Variants in KLHL29 observed in about 807,000 individuals in gnomAD.
KLHL29 encodes kelch-like protein 29.
A neutral mutation model predicts 80.4 loss-of-function variants in KLHL29; 21 were observed. The ratio of observed to expected loss-of-function variants is 0.26; its 90% CI spans 0.19 to 0.38. The LOEUF (loss-of-function observed/expected upper bound fraction) is 0.38, where lower values mean the gene tolerates loss of function less well. Ranked by LOEUF, KLHL29 falls within the 10% of genes least tolerant of loss-of-function variation. KLHL29 has a pLI of 1.00. For missense variants in KLHL29, 867 were observed against 1,223.9 expected (o/e 0.71, Z 4.35); for synonymous variants, 511 against 526.8 (o/e 0.97, Z 0.41).
chr2:23,606,590 C>G (rs1388915965), intron 3 of KLHL29, among the ~76,000 whole-genome samples: 1 of 152,228 alleles, frequency 6.6e-6, no homozygotes, highest in African/African-American at 2.4e-5. Flanking sequence ...ACGCAATTAG[C>G]AGTTTTAATC....
At chr2:23,425,599 G>C (rs894943395) in intron 1 of KLHL29, among the ~76,000 whole-genome samples, 1 of 152,184 alleles carries the variant, frequency 6.6e-6, no homozygotes, top group Non-Finnish European at 1.5e-5. Flanking sequence ...TGTGGGGATA[G>C]GGAGTGAGCT....
At chr2:23,541,112 C>G (rs1365187614) in intron 2 of KLHL29, among the ~76,000 whole-genome samples, 2 of 152,222 alleles carry the variant, frequency 1.3e-5, no homozygotes, top group Non-Finnish European at 2.9e-5. Context: ...AGACAAAATG[C>G]AGATTTCACA....
intron 1 of KLHL29, among the ~76,000 whole-genome samples, chr2:23,395,801 G>C (rs966384879): frequency 1.3e-5 from 2 of 151,932 alleles, no homozygotes; most frequent in Admixed American, 6.6e-5. Flanking sequence ...CACTGCCTTG[G>C]CAGCATGATC....
At chr2:23,508,033 C>A (rs1019103969) in intron 2 of KLHL29, among the ~76,000 whole-genome samples, 4 of 152,212 alleles carry the variant, frequency 2.6e-5, no homozygotes, top group African/African-American at 9.7e-5. Context: ...CTGGTTCACG[C>A]ATGCTCCTCA....
chr2:23,611,115 G>A (rs1257449807), intron 3 of KLHL29, among the ~76,000 whole-genome samples: 1 of 152,150 alleles, frequency 6.6e-6, no homozygotes, highest in Non-Finnish European at 1.5e-5. Context: ...AAGATAGTTA[G>A]AAAAGCAGGT....
intron 2 of KLHL29, among the ~76,000 whole-genome samples, chr2:23,500,952 C>A (rs948090297): frequency 6.6e-6 from 1 of 152,176 alleles, no homozygotes; most frequent in African/African-American, 2.4e-5. Flanking sequence ...AAGTGGAAAT[C>A]GCATCTGTTT....
intron 2 of KLHL29, among the ~76,000 whole-genome samples, chr2:23,490,954 T>G (rs72848060): frequency 6.6e-6 from 1 of 151,872 alleles, no homozygotes; most frequent in African/African-American, 2.4e-5. Context: ...TTACCTAATA[T>G]GATTTTTTTT....
chr2:23,542,311 A>G (rs1108529), intron 2 of KLHL29, among the ~76,000 whole-genome samples: 3 of 152,090 alleles, frequency 2.0e-5, no homozygotes, highest in Non-Finnish European at 2.9e-5. Flanking sequence ...CAGTAGACCC[A>G]CCTGCCTGGA....
intron 3 of KLHL29, among the ~76,000 whole-genome samples, chr2:23,609,333 C>T (rs974225207): frequency 6.6e-6 from 1 of 152,018 alleles, no homozygotes; most frequent in Non-Finnish European, 1.5e-5. Context: ...GAGAGAATTC[C>T]CTGGAGACGC....
At chr2:23,386,995 G>T (rs886727585) in intron 1 of KLHL29, among the ~76,000 whole-genome samples, 1 of 152,128 alleles carries the variant, frequency 6.6e-6, no homozygotes, top group Non-Finnish European at 1.5e-5. Flanking sequence ...GTCCGTTGGC[G>T]GGCCCTCGCG....
At chr2:23,502,502 G>A (rs1368640335) in intron 2 of KLHL29, among the ~76,000 whole-genome samples, 2 of 152,226 alleles carry the variant, frequency 1.3e-5, no homozygotes, top group African/African-American at 4.8e-5. Context: ...TAAGGGGGAG[G>A]ACACTTGCAC....
intron 3 of KLHL29, among the ~76,000 whole-genome samples, chr2:23,573,457 C>T (rs923498542): frequency 6.6e-6 from 1 of 152,180 alleles, no homozygotes; most frequent in African/African-American, 2.4e-5. Context: ...GAGTGGGATT[C>T]ATCACCTAGA....
At chr2:23,413,047 C>CA (rs909535686) in intron 1 of KLHL29, among the ~76,000 whole-genome samples, 9 of 152,046 alleles carry the variant, frequency 5.9e-5, no homozygotes, top group Admixed American at 2.0e-4. Context: ...CGTTTGCCTT[C>CA]AAAAAAATGC....
In KLHL29 at chr2:23,521,000, C is replaced by CCA. The variant is rs1553334473; in HGVS notation, c.-45-41151_-45-41150insAC. On this transcript the variant is annotated intron_variant, in intron 2 of 13. Coordinates refer to ENST00000486442, the MANE Select transcript of KLHL29 (RefSeq NM_052920.2). ...TTCATTTTACAAAGACCACCCCCCC[C>CCA]CCCGCTCCCCCTCAGGGGTGTTTCC... 3.3e-5 allele frequency among the ~76,000 whole-genome samples: 5 copies of CCA among 151,708 alleles called. No homozygotes were observed. In the South Asian group the frequency reaches 6.2e-4, roughly 19 times the overall value.
intron 3 of KLHL29, among the ~76,000 whole-genome samples, chr2:23,629,722 G>A (rs1044902222): frequency 3.3e-5 from 5 of 152,202 alleles, no homozygotes; most frequent in Admixed American, 6.5e-5. Context: ...AGACTTTGAT[G>A]TTGGAAAAGG....
chr2:23,463,685 T>A (rs1189936692), intron 1 of KLHL29, among the ~76,000 whole-genome samples: 2 of 152,168 alleles, frequency 1.3e-5, no homozygotes, highest in African/African-American at 2.4e-5. Context: ...TTCACCACTT[T>A]CCAAACACAA....
intron 3 of KLHL29, among the ~76,000 whole-genome samples, chr2:23,616,267 G>T (rs1020850908): frequency 1.3e-5 from 2 of 152,190 alleles, no homozygotes; most frequent in Non-Finnish European, 2.9e-5. Context: ...TCAGCCTGGG[G>T]TTCATTCTTC....
chr2:23,487,202 C>G (rs1160959974), intron 2 of KLHL29, among the ~76,000 whole-genome samples: 2 of 152,152 alleles, frequency 1.3e-5, no homozygotes, highest in Admixed American at 1.3e-4. Flanking sequence ...TCCAGCAAGA[C>G]TATGAGCCCT....
At chr2:23,693,209 G>A in intron 7 of KLHL29, 60 bp from the exon 8 acceptor site, 1 of 1,499,704 alleles carries the variant, frequency 6.7e-7, no homozygotes, top group African/African-American at 1.4e-5. Context: ...ACAGCAATGG[G>A]AACAGGTGGC....
Sources: allele counts gnomAD v4.1 joint callset (sites outside exome capture counted in the v4.1 genomes callset), GRCh38; gene constraint gnomAD v4.1.1; transcripts MANE v1.5; gene names NCBI Gene and HGNC (gene_info 2026-07-23, HGNC 2026-07-21).